The following CDK18 variants were observed in gnomAD, a reference collection of about 807,000 sequenced individuals.
CDK18 encodes the protein cyclin dependent kinase 18, also known as cyclin-dependent kinase 18.
A neutral mutation model predicts 62.0 loss-of-function variants in CDK18; 52 were observed. That is an observed-to-expected ratio of 0.84 (90% CI 0.67 to 1.06). The LOEUF (loss-of-function observed/expected upper bound fraction) is 1.06, where lower values mean the gene tolerates loss of function less well. CDK18 is among the 50% of genes least tolerant of loss of function. CDK18 has a pLI of 0.00. For synonymous variants in CDK18, 237 were observed against 247.0 expected (o/e 0.96, Z 0.38); for missense variants, 604 against 619.9 (o/e 0.97, Z 0.27).
At chr1:205,526,504 G>A (rs747271127) in intron 7 of CDK18, 43 bp downstream of exon 7, 4 of 1,482,312 alleles carry the variant, frequency 2.7e-6, no homozygotes, top group African/African-American at 2.8e-5. Context: ...CTCTTGTGGT[G>A]GAAACGGGGT....
intron 1 of CDK18, chr1:205,522,464 G>C (rs1365569320): frequency 6.6e-6 from 1 of 152,122 alleles, no homozygotes; most frequent in Non-Finnish European, 1.5e-5. Context: ...ATTTCAGCTG[G>C]AGAGAAGGTG....
chr1:205,526,066 G>A lies in CDK18; in HGVS notation c.458G>A (p.Gly153Asp). 4 of 1,610,606 alleles carry A rather than the reference G, an allele frequency of 2.5e-6. No homozygotes were observed. The South Asian group carries it at 3.3e-5, about 13-fold the overall frequency. The part of the protein sequence containing the change: ...TYVKLDKLGE[G>D]TYATVFKGRS... ...GGCCGCTGTGGCCCTCCATCCCAGG[G>A]CACCTATGCCACAGTCTTCAAAGGG... Residue 153 changes from glycine to aspartate, a missense_variant and splice_region_variant, in exon 6 of 16, where the codon GGC becomes GAC. Gly to Asp is a moderately conservative substitution (Grantham distance 94). Transcript: ENST00000429964.
chr1:205,529,302 C>G (rs1668611514), intron 11 of CDK18, 22 bp from the exon 12 acceptor site: 4 of 1,602,796 alleles, frequency 2.5e-6, no homozygotes, highest in South Asian at 2.2e-5. Context: ...CAGGCCCTCC[C>G]CACCCTCTCT....
At chr1:205,518,809 C>T (rs12079061) in intron 1 of CDK18, among the ~76,000 whole-genome samples, 1,659 of 152,326 alleles carry the variant, frequency 0.011, 22 homozygotes, top group African/African-American at 0.035. Flanking sequence ...TCCTTCTGTG[C>T]CACCCATGGC....
Position 205,516,318 on chromosome 1 carries a change from C to T in CDK18, c.-21-6829C>T, listed in dbSNP as rs145353078. On this transcript the variant is annotated intron_variant, in intron 1 of 15. Transcript: ENST00000429964. This position sits in a 1 kb window ranked among gnomAD's most constrained non-coding sequence, Gnocchi z 4.8. ...CCCAAGGGCCAAAGTGGCTGAGTGA[C>T]CGAGGCAGGGGCAGGGACTGGGAGA... Among the ~76,000 whole-genome samples, 1 of 151,884 alleles carries T rather than the reference C, an allele frequency of 6.6e-6. No individual in the cohort carries two copies. The highest frequency in any genetic ancestry group is 2.4e-5 in the African/African-American group (1 of 41,330).
In CDK18 at chr1:205,528,990, T is replaced by A. The variant is rs1460990745; in HGVS notation, c.975-9T>A. On this transcript the variant is annotated splice_polypyrimidine_tract_variant and intron_variant, in intron 10 of 15. Transcript: ENST00000429964. This position sits in a 1 kb window ranked among gnomAD's most constrained non-coding sequence, Gnocchi z 4.2. The stretch of plus-strand genomic sequence containing the variant: ...GCCTGATGCCGACCCTACCCCTTGC[T>A]CCTCGCAGGGGCGTGGGCTGCATCC... 1 of 1,561,550 alleles carries A rather than the reference T, an allele frequency of 6.4e-7. No homozygotes were observed. The highest frequency in any genetic ancestry group is 1.3e-5 in the African/African-American group (1 of 74,124).
intron 1 of CDK18, among the ~76,000 whole-genome samples, chr1:205,506,326 C>T (rs1386665775): frequency 3.9e-5 from 6 of 152,088 alleles, no homozygotes; most frequent in African/African-American, 1.4e-4. Context: ...TGGGGCTGAC[C>T]CCTCCCCCAC....
intron 1 of CDK18, among the ~76,000 whole-genome samples, chr1:205,509,955 C>T (rs1667488244): frequency 1.3e-5 from 2 of 152,078 alleles, no homozygotes; most frequent in Admixed American, 1.3e-4. Flanking sequence ...TGGCAGGCAC[C>T]TGTAATCCCA....
In CDK18 at chr1:205,523,620, A is replaced by T; in HGVS notation, c.268A>T (p.Met90Leu). The change falls in exon 3 of 16, where the codon ATG becomes TTG. Residue 90 changes from methionine to leucine, a missense_variant. Physicochemically the swap from Met to Leu is conservative, Grantham distance 15. Coordinates refer to ENST00000429964, the MANE Select transcript of CDK18 (RefSeq NM_212502.3). ...GCGGCAGAACCAGCGCCGCTTCTCC[A>T]TGGAGGTAAGGGCCTCTGGAGCTCT... ...QRRQNQRRFS[M>L]EDVSKRLSLP... 1 of 1,569,176 alleles carries T rather than the reference A, an allele frequency of 6.4e-7. No homozygotes were observed. The highest frequency in any genetic ancestry group is 8.6e-7 in the Non-Finnish European group (1 of 1,157,100).
intron 1 of CDK18, among the ~76,000 whole-genome samples, chr1:205,520,880 T>C (rs1668087898): frequency 6.6e-6 from 1 of 152,128 alleles, no homozygotes; most frequent in East Asian, 1.9e-4. Flanking sequence ...CTCTGTGGCC[T>C]GAATGCTATA....
Position 205,528,698 on chromosome 1 carries a change from G to T in CDK18, c.975-301G>T. 2.7e-6 allele frequency: 1 copy of T among 367,156 alleles called. No individual in the cohort carries two copies. The allele number at this position is 367,156 out of a possible 1,614,324, so 22.7% of individuals were successfully genotyped here. On this transcript the variant is annotated intron_variant, in intron 10 of 15. Coordinates refer to ENST00000429964, the MANE Select transcript of CDK18 (RefSeq NM_212502.3). The surrounding 1 kb of genome is among the most constrained non-coding windows in gnomAD (Gnocchi z 4.2). Reference sequence around the variant, plus strand: ...AGTGGAGAGAGTTTGAGACAACACTGCTGAGAGAATTGCCACATGGGCGCT... The same window carrying T: ...AGTGGAGAGAGTTTGAGACAACACTTCTGAGAGAATTGCCACATGGGCGCT...
At chr1:205,519,878 C>G (rs1385568256) in intron 1 of CDK18, among the ~76,000 whole-genome samples, 3 of 152,164 alleles carry the variant, frequency 2.0e-5, no homozygotes, top group Admixed American at 6.5e-5. Flanking sequence ...ATGGTTGCTA[C>G]TTGTAGATTC....
At chr1:205,520,624 C>G (rs573750517) in intron 1 of CDK18, among the ~76,000 whole-genome samples, 8 of 150,454 alleles carry the variant, frequency 5.3e-5, no homozygotes, top group Admixed American at 2.0e-4. Context: ...CGCTTGAGCC[C>G]GGAAGGTGGA....
At position 205,526,774 on chromosome 1, in the gene CDK18, G is replaced by A; in HGVS notation, c.667-1G>A. ...GGACTGAGCCACGCTCTGTGTTCCA[G>A]GACAGTGACCTGAAGCAGTATCTGG... On this transcript the variant is annotated splice_acceptor_variant, in intron 7 of 15. Coordinates refer to ENST00000429964, the MANE Select transcript of CDK18 (RefSeq NM_212502.3). LOFTEE classifies it high-confidence loss of function. The A allele has an allele frequency of 6.2e-7, 1 of 1,613,944 alleles. No homozygotes were observed. The highest frequency in any genetic ancestry group is 8.5e-7 in the Non-Finnish European group (1 of 1,179,776).
rs1279981283 is a variant in CDK18 at position 205,529,042 on chromosome 1, C to G, written c.1018C>G (p.Leu340Val). 1 of 1,597,206 alleles carries G rather than the reference C, an allele frequency of 6.3e-7. No individual in the cohort carries two copies. Among genetic ancestry groups the G allele is most frequent in the Non-Finnish European group, 8.5e-7 (1 of 1,172,594 alleles). ...IHYEMATGRP[L>V]FPGSTVKEEL... Reference sequence around the variant, plus strand: ...CTACGAGATGGCCACAGGGAGGCCCCTCTTCCCGGGCTCCACAGTCAAGGA... The same window carrying G: ...CTACGAGATGGCCACAGGGAGGCCCGTCTTCCCGGGCTCCACAGTCAAGGA... Residue 340 changes from leucine to valine, a missense_variant, in exon 11 of 16, where the codon CTC (leucine) becomes GTC (valine). Transcript: ENST00000429964.
At chr1:205,531,285 C>T in intron 15 of CDK18, 59 bp from the exon 16 acceptor site, 1 of 1,527,498 alleles carries the variant, frequency 6.5e-7, no homozygotes, top group Non-Finnish European at 9.1e-7. Flanking sequence ...CCCTGCTGAC[C>T]TGGGGTACCC....
At position 205,531,485 on chromosome 1, in the gene CDK18, C is replaced by A; in HGVS notation, c.*107C>A. 1 of 1,071,874 alleles carries A rather than the reference C, an allele frequency of 9.3e-7. No individual in the cohort carries two copies. Among genetic ancestry groups the A allele is most frequent in the South Asian group, 1.3e-5 (1 of 77,316 alleles). 66.4% of individuals were successfully genotyped at this position (1,071,874 alleles called of 1,614,324 possible). A position where few individuals can be genotyped will look rare whatever the true frequency, so the allele number is the denominator to read the frequency against. ...CGGAGGACTGAAGAACGAGGGCTGACAGCCAGCCTGGAAGACCGCTTGGCA... is the reference window on the plus strand; with the variant it reads ...CGGAGGACTGAAGAACGAGGGCTGAAAGCCAGCCTGGAAGACCGCTTGGCA... On this transcript the variant is annotated 3_prime_UTR_variant, in exon 16 of 16. Coordinates refer to ENST00000429964, the MANE Select transcript of CDK18 (RefSeq NM_212502.3).
At position 205,530,267 on chromosome 1, in the gene CDK18, C is replaced by T. The variant is rs777362112; in HGVS notation, c.1230C>T (p.Ser410=). ...CACCCTGTGCCTTTCAGTATGAATC[C>T]AAGAGTCGCATGTCAGCAGAGGCTG... ...HLLSSLLLYE[S]KSRMSAEAAL... is the part of the protein sequence containing the mutation. Residue 410 remains serine (S), a synonymous_variant, in exon 14 of 16, where the codon TCC becomes TCT. Transcript: ENST00000429964. 6.2e-7 allele frequency: 1 copy of T among 1,612,682 alleles called. No homozygotes were observed. The highest frequency in any genetic ancestry group is 8.5e-7 in the Non-Finnish European group (1 of 1,180,032).
At chr1:205,526,044 C>A (rs114729679) in intron 5 of CDK18, 21 bp from the exon 6 acceptor site, 1 of 1,581,744 alleles carries the variant, frequency 6.3e-7, no homozygotes, top group Non-Finnish European at 8.6e-7. Flanking sequence ...CGCCTGGGGC[C>A]GCTGTGGCCC....
Sources: allele counts gnomAD v4.1 joint callset (sites outside exome capture counted in the v4.1 genomes callset), GRCh38; gene constraint gnomAD v4.1.1; non-coding constraint Gnocchi (gnomAD v3.1); transcripts MANE v1.5; gene names NCBI Gene and HGNC (gene_info 2026-07-23, HGNC 2026-07-21).